The following TBC1D2 variants were observed in gnomAD, a reference collection of about 807,000 sequenced individuals.
TBC1D2 encodes the protein TBC1 domain family member 2, also known as TBC1 domain family member 2A.
A neutral mutation model predicts 91.1 loss-of-function variants in TBC1D2; 58 were observed. The observed-to-expected ratio is 0.64, with a 90% CI of 0.52 to 0.79. The LOEUF is 0.79. TBC1D2 is among the 30% of genes least tolerant of loss of function. The pLI, the probability that TBC1D2 is intolerant of heterozygous loss-of-function variation, is 0.00. For missense variants in TBC1D2, 1,080 were observed against 1,208.3 expected (o/e 0.89, Z 1.57); for synonymous variants, 482 against 511.5 (o/e 0.94, Z 0.78).
intron 9 of TBC1D2, among the ~76,000 whole-genome samples, chr9:98,206,079 C>T (rs1225415920): frequency 6.6e-6 from 1 of 152,146 alleles, no homozygotes; most frequent in Non-Finnish European, 1.5e-5. Flanking sequence ...ACCTCTGCCT[C>T]CCTGGTTCAA....
chr9:98,206,718 G>A (rs562532164), intron 9 of TBC1D2, among the ~76,000 whole-genome samples: 1 of 152,292 alleles, frequency 6.6e-6, no homozygotes, highest in South Asian at 2.1e-4. Flanking sequence ...CATTTGTGGT[G>A]AGACAACGGG....
At chr9:98,240,243 T>C (rs1369036639) in intron 3 of TBC1D2, among the ~76,000 whole-genome samples, 1 of 152,056 alleles carries the variant, frequency 6.6e-6, no homozygotes, top group African/African-American at 2.4e-5. Context: ...TATACTTTCA[T>C]GGATAGTACA....
At chr9:98,210,515 G>A (rs1028654023) in intron 8 of TBC1D2, 141 bp downstream of exon 8, 1 of 817,764 alleles carries the variant, frequency 1.2e-6, no homozygotes, top group Non-Finnish European at 1.8e-6. Context: ...CTCAGCTGCA[G>A]CCGCACACTA....
At chr9:98,232,841 G>T (rs1038980023) in intron 4 of TBC1D2, among the ~76,000 whole-genome samples, 1 of 151,904 alleles carries the variant, frequency 6.6e-6, no homozygotes, top group Non-Finnish European at 1.5e-5. Context: ...TGTTTGAGAC[G>T]GAGTCTCACT....
At chr9:98,242,328 C>G (rs551714556) in intron 3 of TBC1D2, among the ~76,000 whole-genome samples, 53 of 151,970 alleles carry the variant, frequency 3.5e-4, no homozygotes, top group African/African-American at 1.2e-3. Flanking sequence ...GTAATCCTAG[C>G]TGCTATGGAA....
rs149520557 is a variant in TBC1D2, at chr9:98,227,284, G to A, written c.978+1668C>T. On this transcript the variant is annotated intron_variant, in intron 5 of 12. Coordinates refer to ENST00000465784, the MANE Select transcript of TBC1D2 (RefSeq NM_001267571.2). Reference sequence around the variant, plus strand: ...TGTCTGTCTCTGCCATGAAATGCAAGCTGTAAGGGCAGAGCCTGTGTCTTT... The same window carrying A: ...TGTCTGTCTCTGCCATGAAATGCAAACTGTAAGGGCAGAGCCTGTGTCTTT... Among the ~76,000 whole-genome samples, 14 of 152,336 alleles carry A rather than the reference G, an allele frequency of 9.2e-5. No individual in the cohort carries two copies. The East Asian group carries it at 1.9e-3, about 21-fold the overall frequency.
chr9:98,241,025 A>G (rs1829624709), intron 3 of TBC1D2, among the ~76,000 whole-genome samples: 1 of 152,214 alleles, frequency 6.6e-6, no homozygotes, highest in Non-Finnish European at 1.5e-5. Context: ...CAGTTTCCTC[A>G]TCTGCAATGG....
chr9:98,243,629 T>C (rs1002752304), intron 3 of TBC1D2, among the ~76,000 whole-genome samples: 2 of 150,612 alleles, frequency 1.3e-5, no homozygotes, highest in African/African-American at 4.9e-5. Flanking sequence ...CTCTGCCTCC[T>C]GGGTTCAAGC....
At position 98,208,969 on chromosome 9, in the gene TBC1D2, C is replaced by T. The variant is rs767720149; in HGVS notation, c.1849G>A (p.Glu617Lys). The T allele has an allele frequency of 2.2e-5, 35 of 1,613,968 alleles. No individual in the cohort carries two copies. The highest frequency in any genetic ancestry group is 1.6e-4 in the Middle Eastern group (1 of 6,082). ...CCTGCCCGCAGTAGCTGCTTGAGCT[C>T]GGCTGAGGGCACAAGATCGCCCAGG... ...AALGDLVPSA[E>K]LKQLLRAGVP... The change falls in exon 9 of 13, where the codon GAG becomes AAG. Residue 617 changes from glutamate (E) to lysine (K), a missense_variant. By Grantham distance (56) the Glu-to-Lys change is moderately conservative. Transcript: ENST00000465784.
chr9:98,243,496 T>C (rs1829695062), intron 3 of TBC1D2, among the ~76,000 whole-genome samples: 1 of 152,040 alleles, frequency 6.6e-6, no homozygotes, highest in Non-Finnish European at 1.5e-5. Flanking sequence ...TGTTTCTGAT[T>C]TCCTATAATG....
intron 10 of TBC1D2, among the ~76,000 whole-genome samples, chr9:98,202,240 G>C (rs1828526949): frequency 6.6e-6 from 1 of 152,220 alleles, no homozygotes; most frequent in Non-Finnish European, 1.5e-5. Context: ...ACACTGGCCA[G>C]TGACCTCTTC....
intron 7 of TBC1D2, 103 bp from the exon 8 acceptor site, chr9:98,210,946 A>G: frequency 9.3e-7 from 1 of 1,078,176 alleles, no homozygotes; most frequent in Non-Finnish European, 1.3e-6. Flanking sequence ...TCCAGCTCTC[A>G]TCTGCCCCAC....
In TBC1D2 at chr9:98,203,369, C is replaced by T. The variant is rs751493973; in HGVS notation, c.2190G>A (p.Glu730=). The change falls in exon 10 of 13, where the codon GAG becomes GAA. Residue 730 remains glutamate (E), a synonymous_variant. Transcript: ENST00000465784. ...AIALLVLEEE[E]SAFWCLVAIV... is the part of the protein sequence containing the mutation. ...TGGCCACCAGGCACCAGAAGGCGCT[C>T]TCCTCCTCCTCTAGGACCAGCAGGG... 3.1e-6 allele frequency: 5 copies of T among 1,614,172 alleles called. No individual in the cohort carries two copies. Among genetic ancestry groups the T allele is most frequent in the Admixed American group, 1.7e-5 (1 of 60,036 alleles).
intron 2 of TBC1D2, among the ~76,000 whole-genome samples, chr9:98,249,997 G>A (rs945755568): frequency 2.0e-5 from 3 of 152,122 alleles, no homozygotes; most frequent in African/African-American, 7.2e-5. Context: ...GCTAGCGGGT[G>A]GAGATGGACA....
chr9:98,216,008 C>G (rs1406854488), intron 6 of TBC1D2, among the ~76,000 whole-genome samples: 1 of 152,198 alleles, frequency 6.6e-6, no homozygotes, highest in African/African-American at 2.4e-5. Flanking sequence ...ATCAAAGACG[C>G]TGGAGTTGGC....
At chr9:98,239,321 G>A (rs140851338) in intron 3 of TBC1D2, among the ~76,000 whole-genome samples, 68 of 152,222 alleles carry the variant, frequency 4.5e-4, no homozygotes, top group Non-Finnish European at 6.6e-4. Context: ...CCCAAGTTCC[G>A]GGTTTACAGG....
chr9:98,246,058 A>G (rs1829757579), intron 2 of TBC1D2, among the ~76,000 whole-genome samples: 1 of 152,206 alleles, frequency 6.6e-6, no homozygotes, highest in Non-Finnish European at 1.5e-5. Flanking sequence ...GCAAGCTTTC[A>G]AGGCCAAGGA....
chr9:98,210,805 G>C lies in TBC1D2; in HGVS notation c.1524C>G (p.Ser508Arg), dbSNP rs1028659023. 32 of 1,552,880 alleles carry C rather than the reference G, an allele frequency of 2.1e-5. No homozygotes were observed. The Admixed American group carries it at 4.7e-4, about 23-fold the overall frequency. The stretch of plus-strand genomic sequence containing the variant: ...GCCTTCTCAGACCGGCCAGGTACTT[G>C]CTTTCCACCTGGCAGTTTCTGGCTT... Reference protein sequence around the residue: ...YLQARNCQVESKYLAGLRRLQ... With the variant: ...YLQARNCQVERKYLAGLRRLQ... Residue 508 changes from serine to arginine, a missense_variant, in exon 8 of 13, where the codon AGC (serine) becomes AGG (arginine). Transcript: ENST00000465784.
At chr9:98,226,071 C>T (rs78692884) in intron 5 of TBC1D2, among the ~76,000 whole-genome samples, 2 of 152,184 alleles carry the variant, frequency 1.3e-5, no homozygotes, top group Non-Finnish European at 2.9e-5. Flanking sequence ...AGATGGACAG[C>T]GGCTCTCCTA....
Sources: allele counts gnomAD v4.1 joint callset (sites outside exome capture counted in the v4.1 genomes callset), GRCh38; gene constraint gnomAD v4.1.1; transcripts MANE v1.5; gene names NCBI Gene and HGNC (gene_info 2026-07-23, HGNC 2026-07-21).